SLC9A4: variants seen among roughly 807,000 people sequenced by gnomAD.
SLC9A4 encodes solute carrier family 9 member A4, also known as sodium/hydrogen exchanger 4.
SLC9A4 carries 63 observed loss-of-function variants against 67.4 expected under a neutral mutation model. The ratio of observed to expected loss-of-function variants is 0.93; its 90% CI spans 0.76 to 1.15. The LOEUF is 1.15. Among genes scored for constraint, SLC9A4 ranks in the 50% most tolerant of loss-of-function variants. SLC9A4 has a pLI of 0.00. For missense variants in SLC9A4, 1,089 were observed against 987.7 expected, an observed-to-expected ratio of 1.10 and a Z score of -1.38; for synonymous variants, 393 against 367.2, an observed-to-expected ratio of 1.07 and a Z score of -0.80.
intron 2 of SLC9A4, among the ~76,000 whole-genome samples, chr2:102,501,088 A>G (rs1259183651): frequency 6.6e-6 from 1 of 151,256 alleles, no homozygotes; most frequent in African/African-American, 2.4e-5. Flanking sequence ...TCTCCCGAGT[A>G]GCTGGGATTA....
chr2:102,521,000 T>G (rs143733998), intron 9 of SLC9A4, among the ~76,000 whole-genome samples: 288 of 152,350 alleles, frequency 1.9e-3, no homozygotes, highest in African/African-American at 6.8e-3. Context: ...GCACTAATGG[T>G]AGTGCGCTTA....
intron 2 of SLC9A4, among the ~76,000 whole-genome samples, chr2:102,492,294 A>G (rs563447434): frequency 2.0e-5 from 3 of 152,104 alleles, no homozygotes; most frequent in Non-Finnish European, 4.4e-5. Flanking sequence ...GGGGGCTCCA[A>G]CTCCACATTT....
chr2:102,492,640 C>A (rs1684727882), intron 2 of SLC9A4, among the ~76,000 whole-genome samples: 1 of 152,046 alleles, frequency 6.6e-6, no homozygotes, highest in Admixed American at 6.5e-5. Flanking sequence ...TTTTTCCCTC[C>A]TAGGCCTCCA....
At chr2:102,495,684 A>G (rs2104426333) in intron 2 of SLC9A4, among the ~76,000 whole-genome samples, 1 of 152,306 alleles carries the variant, frequency 6.6e-6, no homozygotes, top group South Asian at 2.1e-4. Flanking sequence ...ACTATGAAAG[A>G]GACTGGAGAG....
chr2:102,492,183 C>G (rs1468139173), intron 2 of SLC9A4, among the ~76,000 whole-genome samples: 2 of 152,200 alleles, frequency 1.3e-5, no homozygotes, highest in African/African-American at 4.8e-5. Flanking sequence ...TGTGGCTTTT[C>G]AAGGTACAAG....
chr2:102,489,453 G>C (rs1280924812), intron 2 of SLC9A4, among the ~76,000 whole-genome samples: 1 of 152,230 alleles, frequency 6.6e-6, no homozygotes, highest in Non-Finnish European at 1.5e-5. Context: ...TCATTGGCAA[G>C]TAGGTGATAA....
chr2:102,531,397 G>A (rs927123039), intron 11 of SLC9A4, among the ~76,000 whole-genome samples: 4 of 152,152 alleles, frequency 2.6e-5, no homozygotes, highest in African/African-American at 9.7e-5. Context: ...GCATCGGTTA[G>A]GGGTCTGGAA....
chr2:102,481,951 G>C (rs1684474211), intron 2 of SLC9A4, among the ~76,000 whole-genome samples: 1 of 151,774 alleles, frequency 6.6e-6, no homozygotes, highest in African/African-American at 2.4e-5. Context: ...GTCCCCCTTT[G>C]AAAAATAATC....
chr2:102,532,874 T>A lies in SLC9A4; in HGVS notation c.*186T>A. The A allele has an allele frequency of 1.8e-6, 1 of 569,020 alleles. No homozygotes were observed. Among genetic ancestry groups the A allele is most frequent in the South Asian group, 2.4e-5 (1 of 40,988 alleles). The allele number at this position is 569,020 out of a possible 1,614,324, so 35.2% of individuals were successfully genotyped here. A position where few individuals can be genotyped will look rare whatever the true frequency, so the allele number is the denominator to read the frequency against. ...GGGAGCAAACTTGCAGGCTCTGCCA[T>A]GTACTTATTGTGGGGTACCTTTAGA... On this transcript the variant is annotated 3_prime_UTR_variant, in exon 12 of 12. Transcript: ENST00000295269.
At chr2:102,504,827 T>C (rs1389727600) in intron 3 of SLC9A4, among the ~76,000 whole-genome samples, 1 of 152,210 alleles carries the variant, frequency 6.6e-6, no homozygotes, top group Non-Finnish European at 1.5e-5. Flanking sequence ...AACCTTGCAT[T>C]GTCTTAGAAG....
intron 2 of SLC9A4, 115 bp from the exon 3 acceptor site, chr2:102,503,333 T>C (rs779492489): frequency 8.3e-6 from 8 of 960,386 alleles, no homozygotes; most frequent in Non-Finnish European, 1.1e-5. Context: ...GTATTTTTTG[T>C]TGTGTAATTT....
chr2:102,524,976 G>T, intron 9 of SLC9A4, 48 bp from the exon 10 acceptor site: 1 of 1,608,650 alleles, frequency 6.2e-7, no homozygotes, highest in Non-Finnish European at 8.5e-7. Context: ...TTGGCTGAAA[G>T]TTGTATGGAG....
intron 6 of SLC9A4, among the ~76,000 whole-genome samples, chr2:102,510,266 C>T (rs58093322): frequency 8.7e-5 from 6 of 68,608 alleles, no homozygotes; most frequent in African/African-American, 2.9e-4. Flanking sequence ...GATACAGATA[C>T]AGATACAGAT....
At chr2:102,476,878 G>A (rs1478867827) in intron 1 of SLC9A4, among the ~76,000 whole-genome samples, 1 of 152,172 alleles carries the variant, frequency 6.6e-6, no homozygotes, top group Non-Finnish European at 1.5e-5. Flanking sequence ...GCAGAAATAA[G>A]CAGTGATTAG....
At chr2:102,522,007 G>A (rs1271174867) in intron 9 of SLC9A4, among the ~76,000 whole-genome samples, 1 of 152,188 alleles carries the variant, frequency 6.6e-6, no homozygotes, top group East Asian at 1.9e-4. Flanking sequence ...GTACACCCAG[G>A]ACAGAATCTT....
intron 1 of SLC9A4, among the ~76,000 whole-genome samples, chr2:102,476,783 G>T (rs1684343345): frequency 6.6e-6 from 1 of 152,042 alleles, no homozygotes; most frequent in South Asian, 2.1e-4. Context: ...AGCAGCAGGA[G>T]TTGGACAAAG....
At position 102,478,835 on chromosome 2, in the gene SLC9A4, G is replaced by T. The variant is rs374795305; in HGVS notation, c.257-4G>T. The T allele has an allele frequency of 1.9e-6, 3 of 1,612,712 alleles. No individual in the cohort carries two copies. Among genetic ancestry groups the T allele is most frequent in the African/African-American group, 1.3e-5 (1 of 74,904 alleles). On this transcript the variant is annotated splice_region_variant and splice_polypyrimidine_tract_variant and intron_variant, in intron 1 of 11. Coordinates refer to ENST00000295269, the MANE Select transcript of SLC9A4 (RefSeq NM_001011552.4). ...GCACCTAACTGCTCTTCGCTGTTCT[G>T]CAGGCTTCCACCTCTACCACAGGCT...
At chr2:102,489,453 G>A (rs1280924812) in intron 2 of SLC9A4, among the ~76,000 whole-genome samples, 1 of 152,230 alleles carries the variant, frequency 6.6e-6, no homozygotes, top group Non-Finnish European at 1.5e-5. Context: ...TCATTGGCAA[G>A]TAGGTGATAA....
At chr2:102,480,360 GT>G (rs11123932) in intron 2 of SLC9A4, among the ~76,000 whole-genome samples, 14,228 of 143,938 alleles carry the variant, frequency 0.099, 800 homozygotes, top group Middle Eastern at 0.19. Flanking sequence ...TCCGTGTCTT[GT>G]TTTTTTTTTT....
Sources: allele counts gnomAD v4.1 joint callset (sites outside exome capture counted in the v4.1 genomes callset), GRCh38; gene constraint gnomAD v4.1.1; transcripts MANE v1.5; gene names NCBI Gene and HGNC (gene_info 2026-07-23, HGNC 2026-07-21).